CNBD1: variants seen among roughly 807,000 people sequenced by gnomAD.
CNBD1 encodes cyclic nucleotide-binding domain-containing protein 1.
In CNBD1, 71 loss-of-function variants were observed where a neutral mutation model predicts 54.4. That is an observed-to-expected ratio of 1.30 (90% CI 1.08 to 1.59). The LOEUF (loss-of-function observed/expected upper bound fraction) is 1.59. Among genes scored for constraint, CNBD1 ranks in the 40% most tolerant of loss-of-function variants. CNBD1 has a pLI of 0.00. For missense variants in CNBD1, 659 were observed against 518.0 expected, an observed-to-expected ratio of 1.27 and a Z score of -2.64; for synonymous variants, 182 against 170.7, an observed-to-expected ratio of 1.07 and a Z score of -0.51.
chr8:87,334,542 G>A (rs1436361553), intron 8 of CNBD1, among the ~76,000 whole-genome samples: 1 of 149,848 alleles, frequency 6.7e-6, no homozygotes, highest in Admixed American at 6.7e-5. Flanking sequence ...TCTTAACAGT[G>A]CTTTAGCTGC....
Position 87,236,796 on chromosome 8 carries a change from C to T in CNBD1, c.578-123C>T, listed in dbSNP as rs1293116507. 17 of 526,842 alleles carry T rather than the reference C, an allele frequency of 3.2e-5. No homozygotes were observed. The South Asian group carries it at 3.3e-4, about 10-fold the overall frequency. The allele number at this position is 526,842 out of a possible 1,614,324, so 32.6% of individuals were successfully genotyped here. On this transcript the variant is annotated intron_variant, in intron 5 of 10. Transcript: ENST00000518476. ...GAAAATGCCTATTACATTAAATTCACTGTTACAGAATACACTGAAAGAAAT... is the reference window on the plus strand; with the variant it reads ...GAAAATGCCTATTACATTAAATTCATTGTTACAGAATACACTGAAAGAAAT...
rs1270528594 is a variant in CNBD1 at position 87,195,579 on chromosome 8, A to T, written c.432-10414A>T. 6.5e-3 allele frequency among the ~76,000 whole-genome samples: 851 copies of T among 131,252 alleles called. 7 individuals carry two copies. The highest frequency in any genetic ancestry group is 0.022 in the African/African-American group (770 of 34,996). The allele number at this position is 131,252 out of a possible 152,430, so 86.1% of individuals were successfully genotyped here. On this transcript the variant is annotated intron_variant, in intron 4 of 10. Coordinates refer to ENST00000518476, the MANE Select transcript of CNBD1 (RefSeq NM_173538.3). ...TAAATATTGTTTTTTTTTTTTTTTTAATTTTTATTTTTGAGACAGAGTCTT... is the reference window on the plus strand; with the variant it reads ...TAAATATTGTTTTTTTTTTTTTTTTTATTTTTATTTTTGAGACAGAGTCTT...
Position 87,274,689 on chromosome 8 carries a change from G to A in CNBD1, c.772-9989G>A, listed in dbSNP as rs1372211225. 6.0e-5 allele frequency among the ~76,000 whole-genome samples: 8 copies of A among 133,352 alleles called. 3 individuals are homozygous for A. The highest frequency in any genetic ancestry group is 2.4e-4 in the African/African-American group (8 of 32,876). The allele number at this position is 133,352 out of a possible 152,430, so 87.5% of individuals were successfully genotyped here. The stretch of plus-strand genomic sequence containing the variant: ...TATTAGCCCTTTGTCAGATGAGTAG[G>A]TTGTGAAAATTTTCTCCCATTCTGT... On this transcript the variant is annotated intron_variant, in intron 6 of 10. Transcript: ENST00000518476.
At chr8:87,362,083 C>T (rs939782680) in intron 10 of CNBD1, among the ~76,000 whole-genome samples, 1 of 152,018 alleles carries the variant, frequency 6.6e-6, no homozygotes, top group African/African-American at 2.4e-5. Context: ...ACCATGCTTA[C>T]TTAAAATCTA....
intron 5 of CNBD1, among the ~76,000 whole-genome samples, chr8:87,209,368 G>C (rs1287395315): frequency 1.3e-5 from 2 of 152,030 alleles, no homozygotes; most frequent in Non-Finnish European, 2.9e-5. Flanking sequence ...AAAATTAGTA[G>C]TGTTTCTCTA....
downstream of CNBD1, among the ~76,000 whole-genome samples, chr8:87,387,596 G>A (rs1007628999): frequency 2.6e-5 from 4 of 152,102 alleles, no homozygotes; most frequent in Middle Eastern, 3.4e-3. Context: ...GAGCACCCAG[G>A]TTCATAAAGC....
intron 4 of CNBD1, among the ~76,000 whole-genome samples, chr8:87,102,709 G>T (rs1392798272): frequency 6.6e-6 from 1 of 152,086 alleles, no homozygotes; most frequent in African/African-American, 2.4e-5. Flanking sequence ...TGCCTCCCGG[G>T]TTCACGCCGT....
At chr8:86,939,565 A>G in intron 3 of CNBD1, 31 bp from the exon 4 acceptor site, 7 of 1,517,282 alleles carry the variant, frequency 4.6e-6, no homozygotes, top group Non-Finnish European at 6.2e-6. Flanking sequence ...GCAGTATACA[A>G]CAGCATAAAA....
At chr8:87,143,680 G>T (rs1383681761) in intron 4 of CNBD1, among the ~76,000 whole-genome samples, 4 of 151,970 alleles carry the variant, frequency 2.6e-5, no homozygotes, top group African/African-American at 9.7e-5. Context: ...TTTAATTATT[G>T]TACAAAGCAA....
intron 4 of CNBD1, among the ~76,000 whole-genome samples, chr8:86,969,793 T>C (rs368258842): frequency 0.045 from 6,438 of 144,422 alleles, 157 homozygotes; most frequent in Non-Finnish European, 0.046. Flanking sequence ...TATATATATA[T>C]ACACACACAC....
intron 2 of CNBD1, among the ~76,000 whole-genome samples, chr8:87,427,629 T>G (rs1808072295): frequency 6.6e-6 from 1 of 152,200 alleles, no homozygotes; most frequent in South Asian, 2.1e-4. Flanking sequence ...TTGTTAATAT[T>G]TATGTTTATA....
intron 8 of CNBD1, among the ~76,000 whole-genome samples, chr8:87,304,630 G>A (rs1809102421): frequency 1.3e-5 from 2 of 151,914 alleles, no homozygotes; most frequent in Admixed American, 6.6e-5. Context: ...AGAACTTAAA[G>A]TATAATAAAA....
chr8:87,361,165 G>A (rs1175400199), intron 10 of CNBD1, among the ~76,000 whole-genome samples: 1 of 151,918 alleles, frequency 6.6e-6, no homozygotes, highest in East Asian at 1.9e-4. Context: ...AAATAAGATA[G>A]GGCACTTATT....
chr8:86,911,423 T>C (rs894352974), intron 3 of CNBD1, among the ~76,000 whole-genome samples: 2 of 152,226 alleles, frequency 1.3e-5, no homozygotes, highest in African/African-American at 4.8e-5. Context: ...CAAAGAATTA[T>C]GGAAACCTTT....
chr8:87,359,238 A>T (rs945611161), intron 10 of CNBD1, among the ~76,000 whole-genome samples: 18 of 146,672 alleles, frequency 1.2e-4, no homozygotes, highest in Non-Finnish European at 4.4e-5. Context: ...AATTCATTCC[A>T]TAGTCTGTTT....
In CNBD1 at chr8:87,266,438, CTTTTTTTTTTTTTTTT is replaced by C. The variant is rs72293236; in HGVS notation, c.772-18225_772-18210del. ...GGTCCAAGTAAAAAAAAAAAAAAAT[CTTTTTTTTTTTTTTTT>C]TTTTTTTTTTTTTTGAGACAGAGTT... is the stretch of plus-strand genomic sequence containing the variant. On this transcript the variant is annotated intron_variant, in intron 6 of 10. Coordinates refer to ENST00000518476, the MANE Select transcript of CNBD1 (RefSeq NM_173538.3). Among the ~76,000 whole-genome samples the C allele has an allele frequency of 1.8e-4, 9 of 50,130 alleles. 1 individual carries two copies. The Admixed American group carries it at 3.1e-3, about 17-fold the overall frequency. 32.9% of individuals were successfully genotyped at this position (50,130 alleles called of 152,430 possible).
At position 87,230,201 on chromosome 8, in the gene CNBD1, G is replaced by A. The variant is rs567575535; in HGVS notation, c.578-6718G>A. Among the ~76,000 whole-genome samples, 4 of 152,236 alleles carry A rather than the reference G, an allele frequency of 2.6e-5. No individual in the cohort carries two copies. The South Asian group carries it at 8.3e-4, about 32-fold the overall frequency. On this transcript the variant is annotated intron_variant, in intron 5 of 10. Coordinates refer to ENST00000518476, the MANE Select transcript of CNBD1 (RefSeq NM_173538.3). Reference sequence around the variant, plus strand: ...TCACTAGAACAGCATCGAGAGGATGGTGCTAAACCATTCATGAATGATTCA... The same window carrying A: ...TCACTAGAACAGCATCGAGAGGATGATGCTAAACCATTCATGAATGATTCA...
At chr8:86,928,486 A>G (rs1381274359) in intron 3 of CNBD1, among the ~76,000 whole-genome samples, 3 of 152,206 alleles carry the variant, frequency 2.0e-5, no homozygotes, top group Non-Finnish European at 2.9e-5. Flanking sequence ...CTGAGTTACC[A>G]TGACTTTAAA....
At chr8:87,420,340 T>G (rs965903163) in intron 2 of CNBD1, among the ~76,000 whole-genome samples, 1 of 152,044 alleles carries the variant, frequency 6.6e-6, no homozygotes, top group Non-Finnish European at 1.5e-5. Context: ...GATTTGACAT[T>G]ACTTTTTCAG....
Sources: gnomAD v4.1 joint callset for allele counts (sites outside exome capture counted in the v4.1 genomes callset) on GRCh38, gnomAD v4.1.1 for gene constraint, MANE v1.5 for transcripts, NCBI Gene and HGNC (gene_info 2026-07-23, HGNC 2026-07-21) for gene names.